TMEM17: variants seen among roughly 807,000 people sequenced by gnomAD.
TMEM17 encodes transmembrane protein 17.
Under a neutral mutation model 19.1 loss-of-function variants are expected in TMEM17, and 15 were observed. That is an observed-to-expected ratio of 0.78 (90% CI 0.52 to 1.21). TMEM17 has a LOEUF of 1.21. Among genes scored for constraint, TMEM17 ranks in the 50% most tolerant of loss-of-function variants. The probability of loss-of-function intolerance (pLI) is 0.00; values close to 1 mark genes in which losing one functional copy is unlikely to be tolerated. For synonymous variants in TMEM17, 103 were observed against 86.9 expected (o/e 1.19, Z -1.03); for missense variants, 245 against 242.3 (o/e 1.01, Z -0.07).
chr2:62,466,772 C>T, the TMEM17 span, among the ~76,000 whole-genome samples: 9 of 152,278 alleles, frequency 5.9e-5, no homozygotes, highest in South Asian at 1.7e-3. Context: ...GGAGCTACAG[C>T]AGTAGAAGGT....
At chr2:62,502,599 T>G (rs1255566402) in intron 2 of TMEM17, 49 bp from the exon 3 acceptor site, 24 of 1,425,634 alleles carry the variant, frequency 1.7e-5, no homozygotes, top group Non-Finnish European at 2.2e-5. Context: ...TATAGTAACA[T>G]TGATTTAAGA....
downstream of TMEM17, among the ~76,000 whole-genome samples, chr2:62,497,030 T>C (rs1679795548): frequency 6.6e-6 from 1 of 152,238 alleles, no homozygotes; most frequent in Non-Finnish European, 1.5e-5. Flanking sequence ...TATTTCATTG[T>C]GTTTACTCTT....
the TMEM17 span, among the ~76,000 whole-genome samples, chr2:62,467,611 C>G: frequency 5.9e-5 from 9 of 152,198 alleles, no homozygotes; most frequent in Non-Finnish European, 1.3e-4. Flanking sequence ...CATTGAAAGA[C>G]TGAGCAGTAA....
the TMEM17 span, among the ~76,000 whole-genome samples, chr2:62,485,976 C>T: frequency 6.6e-6 from 1 of 152,216 alleles, no homozygotes; most frequent in African/African-American, 2.4e-5. Context: ...TTTTTTTCCC[C>T]CATTTCCATT....
At chr2:62,472,597 A>C in the TMEM17 span, among the ~76,000 whole-genome samples, 1 of 152,172 alleles carries the variant, frequency 6.6e-6, no homozygotes, top group African/African-American at 2.4e-5. Context: ...CCCAAAATCC[A>C]AAACAGATGT....
the TMEM17 span, among the ~76,000 whole-genome samples, chr2:62,472,728 G>A: frequency 6.6e-6 from 1 of 152,192 alleles, no homozygotes; most frequent in Non-Finnish European, 1.5e-5. Flanking sequence ...GTTCTCCCAG[G>A]TTTTAATGTG....
the TMEM17 span, among the ~76,000 whole-genome samples, chr2:62,459,363 T>G: frequency 6.6e-6 from 1 of 152,252 alleles, no homozygotes; most frequent in Non-Finnish European, 1.5e-5. Context: ...ATGTCCTGAT[T>G]ATCAGCATGG....
At chr2:62,489,943 G>A in the TMEM17 span, among the ~76,000 whole-genome samples, 9 of 152,178 alleles carry the variant, frequency 5.9e-5, no homozygotes, top group African/African-American at 2.2e-4. Flanking sequence ...GGGAGGTCAA[G>A]GTGGGTGGAT....
Position 62,502,769 on chromosome 2 carries a change from TG to T in TMEM17, c.125del (p.Ala42AspfsTer18). 6.2e-7 allele frequency: 1 copy of T among 1,602,814 alleles called. No individual in the cohort carries two copies. The highest frequency in any genetic ancestry group is 1.7e-5 in the Admixed American group (1 of 58,254). Reference sequence around the variant, plus strand: ...TATTAAAATAAAGTGACATCTGCAGTGCCAAACTGGAGACCATTTCATTTTC... The same window carrying T: ...TATTAAAATAAAGTGACATCTGCAGTCCAAACTGGAGACCATTTCATTTTC... Reference protein sequence around the residue: ...GPENEMVSSLALQMSLYFNTY... With the variant: ...GPENEMVSSLXLQMSLYFNTY... On this transcript the variant is annotated frameshift_variant, in exon 2 of 4. Transcript: ENST00000335390. LOFTEE classifies it high-confidence loss of function.
At chr2:62,490,110 A>G in the TMEM17 span, among the ~76,000 whole-genome samples, 836 of 152,286 alleles carry the variant, frequency 5.5e-3, 7 homozygotes, top group African/African-American at 0.019. Flanking sequence ...TGGGAGGCAG[A>G]GGTTGCAGTG....
the TMEM17 span, among the ~76,000 whole-genome samples, chr2:62,456,296 T>G: frequency 6.6e-6 from 1 of 152,236 alleles, no homozygotes; most frequent in Non-Finnish European, 1.5e-5. Context: ...CTGCAGGGGC[T>G]CTACATTTCC....
chr2:62,490,319 G>A, the TMEM17 span, among the ~76,000 whole-genome samples: 4 of 151,978 alleles, frequency 2.6e-5, no homozygotes, highest in Non-Finnish European at 5.9e-5. Flanking sequence ...GCTGGAGTGC[G>A]GTGGCACAAT....
the TMEM17 span, among the ~76,000 whole-genome samples, chr2:62,483,126 C>T: frequency 2.6e-5 from 4 of 152,228 alleles, no homozygotes; most frequent in Non-Finnish European, 5.9e-5. Context: ...AGTACTGGAA[C>T]TCAAATCCAG....
chr2:62,490,915 A>G, the TMEM17 span, among the ~76,000 whole-genome samples: 1 of 151,484 alleles, frequency 6.6e-6, no homozygotes. Context: ...TGTCTCTACT[A>G]AAAATGCAAA....
At chr2:62,498,354 T>G (rs962536820), downstream of TMEM17, among the ~76,000 whole-genome samples, 1 of 150,660 alleles carries the variant, frequency 6.6e-6, no homozygotes, top group African/African-American at 2.4e-5. Context: ...GCCACTGCAC[T>G]CCAGCCTGGG....
At chr2:62,454,985 G>A in the TMEM17 span, among the ~76,000 whole-genome samples, 642 of 152,298 alleles carry the variant, frequency 4.2e-3, 2 homozygotes, top group South Asian at 6.6e-3. Context: ...GATTACAGGC[G>A]TGAGCCACTG....
the TMEM17 span, among the ~76,000 whole-genome samples, chr2:62,494,918 G>T: frequency 6.6e-6 from 1 of 152,220 alleles, no homozygotes; most frequent in African/African-American, 2.4e-5. Flanking sequence ...GGGAGGCTGA[G>T]GCAAGAGAAT....
chr2:62,501,107 A>G lies in TMEM17; in HGVS notation c.*102T>C, dbSNP rs1679915276. 2 of 1,371,496 alleles carry G rather than the reference A, an allele frequency of 1.5e-6. No homozygotes were observed. The highest frequency in any genetic ancestry group is 2.0e-6 in the Non-Finnish European group (2 of 1,004,328). The allele number at this position is 1,371,496 out of a possible 1,614,324, so 85.0% of individuals were successfully genotyped here. A position where few individuals can be genotyped will look rare whatever the true frequency, so the allele number is the denominator to read the frequency against. On this transcript the variant is annotated 3_prime_UTR_variant, in exon 4 of 4. Transcript: ENST00000335390. ...GAATTTCAGAGTGAGAGCATATACA[A>G]TTCAAAACACTTGCTTTGTCCCTTT... is the stretch of plus-strand genomic sequence containing the variant.
At chr2:62,476,912 C>T in the TMEM17 span, among the ~76,000 whole-genome samples, 831 of 152,282 alleles carry the variant, frequency 5.5e-3, 5 homozygotes, top group African/African-American at 0.019. Context: ...TCTTTCCTAT[C>T]CTGTGTCCTC....
Sources: allele counts gnomAD v4.1 joint callset (sites outside exome capture counted in the v4.1 genomes callset), GRCh38; gene constraint gnomAD v4.1.1; transcripts MANE v1.5; gene names NCBI Gene and HGNC (gene_info 2026-07-23, HGNC 2026-07-21).